Variants in DIAPH2 observed in about 807,000 individuals in gnomAD.
DIAPH2 encodes the protein protein diaphanous homolog 2.
A neutral mutation model predicts 92.7 loss-of-function variants in DIAPH2; 35 were observed. The observed-to-expected ratio is 0.38, with a 90% confidence interval of 0.29 to 0.50. The LOEUF (loss-of-function observed/expected upper bound fraction) is 0.50, where lower values mean the gene tolerates loss of function less well. DIAPH2 is among the 20% of genes least tolerant of loss of function. The probability of loss-of-function intolerance (pLI) is 0.94; values close to 1 mark genes in which losing one functional copy is unlikely to be tolerated. For synonymous variants in DIAPH2, 301 were observed against 280.4 expected (o/e 1.07, Z -0.73); for missense variants, 701 against 819.5 (o/e 0.86, Z 1.77).
At chrX:96,704,139 A>C (rs1170060941) in intron 1 of DIAPH2, among the ~76,000 whole-genome samples, 3 of 111,639 alleles carry the variant, frequency 2.7e-5, no homozygotes, top group East Asian at 2.8e-4. Context: ...ACATTATTTC[A>C]CAAGGTATAG....
At chrX:96,822,579 C>T (rs1039926178) in intron 4 of DIAPH2, among the ~76,000 whole-genome samples, 2 of 111,552 alleles carry the variant, frequency 1.8e-5, no homozygotes, top group African/African-American at 6.5e-5. Context: ...TAAATTGATT[C>T]CCTATATCAT....
chrX:97,244,814 G>A (rs1456461484), intron 22 of DIAPH2, among the ~76,000 whole-genome samples: 1 of 112,084 alleles, frequency 8.9e-6, no homozygotes, highest in African/African-American at 3.2e-5. Context: ...TCTCAGGCCG[G>A]ACATGGTGGC....
chrX:97,341,729 A>G (rs5920907), intron 23 of DIAPH2, among the ~76,000 whole-genome samples: 3,525 of 111,283 alleles, frequency 0.032, 41 homozygotes, highest in Middle Eastern at 0.042. Context: ...AAGAGATGAT[A>G]GACGGCTCAG....
At chrX:97,237,660 C>G (rs1331154916) in intron 22 of DIAPH2, among the ~76,000 whole-genome samples, 1 of 110,388 alleles carries the variant, frequency 9.1e-6, no homozygotes, top group Non-Finnish European at 1.9e-5. Context: ...TGGCTCACTG[C>G]AAGCTCCACC....
At chrX:97,439,858 C>T (rs190572743) in intron 26 of DIAPH2, among the ~76,000 whole-genome samples, 1 of 111,475 alleles carries the variant, frequency 9.0e-6, no homozygotes, top group African/African-American at 3.3e-5. Context: ...GGTGGTAGTA[C>T]ATATGTAATT....
At chrX:96,970,047 T>C (rs2065918059) in intron 17 of DIAPH2, among the ~76,000 whole-genome samples, 1 of 112,441 alleles carries the variant, frequency 8.9e-6, no homozygotes, top group African/African-American at 3.2e-5. Flanking sequence ...TTGATAAACA[T>C]TGAATCCCAG....
chrX:97,578,961 A>C, intron 26 of DIAPH2, among the ~76,000 whole-genome samples: 1 of 74,839 alleles, frequency 1.3e-5, no homozygotes, highest in Non-Finnish European at 2.6e-5. Flanking sequence ...TGGCTGCATA[A>C]ATGTCTTCTT....
intron 21 of DIAPH2, among the ~76,000 whole-genome samples, chrX:97,119,097 C>G (rs1312022877): frequency 9.0e-6 from 1 of 110,545 alleles, no homozygotes; most frequent in Non-Finnish European, 1.9e-5. Context: ...TGCTGGTGAG[C>G]TAGTGTGATT....
intron 19 of DIAPH2, among the ~76,000 whole-genome samples, chrX:97,092,824 A>G (rs963998736): frequency 9.0e-6 from 1 of 111,226 alleles, no homozygotes; most frequent in Non-Finnish European, 1.9e-5. Context: ...ATAGGATGAT[A>G]TCTAATGAAA....
intron 4 of DIAPH2, among the ~76,000 whole-genome samples, chrX:96,844,643 G>A (rs1279373162): frequency 8.9e-6 from 1 of 112,147 alleles, no homozygotes; most frequent in Non-Finnish European, 1.9e-5. Context: ...GTTTTAATCA[G>A]TCCAATTTCC....
intron 26 of DIAPH2, among the ~76,000 whole-genome samples, chrX:97,438,355 GTTT>G (rs2070213770): frequency 2.4e-5 from 1 of 41,840 alleles, no homozygotes; most frequent in East Asian, 8.1e-4. Flanking sequence ...TTTTTTGTTT[GTTT>G]GTTTTTTTTT....
At chrX:97,189,670 TAAG>T (rs1177106303) in intron 22 of DIAPH2, among the ~76,000 whole-genome samples, 1 of 111,720 alleles carries the variant, frequency 9.0e-6, no homozygotes, top group Non-Finnish European at 1.9e-5. Context: ...GGTTAAAAAA[TAAG>T]AAGCAATTTT....
intron 23 of DIAPH2, among the ~76,000 whole-genome samples, chrX:97,264,475 A>G (rs139004568): frequency 0.012 from 1,328 of 112,107 alleles, 26 homozygotes; most frequent in African/African-American, 0.041. Context: ...TCAGGGCACT[A>G]TATTGAAGCA....
rs150028432 is a variant in DIAPH2, at chrX:96,992,099, G to A, written c.2050+26892G>A. Among the ~76,000 whole-genome samples, 1,011 of 110,489 alleles carry A rather than the reference G, an allele frequency of 9.2e-3. 18 individuals carry two copies. Among genetic ancestry groups the A allele is most frequent in the African/African-American group, 0.032 (967 of 30,385 alleles). On this transcript the variant is annotated intron_variant, in intron 17 of 26. Coordinates refer to ENST00000324765, the MANE Select transcript of DIAPH2 (RefSeq NM_006729.5). ...TGACTAAATTTTCATAATCCCTGGG[G>A]TTCACAATTGTTATTTAAAGTTCAT...
intron 17 of DIAPH2, among the ~76,000 whole-genome samples, chrX:97,012,826 G>T (rs1423837351): frequency 8.9e-6 from 1 of 112,376 alleles, no homozygotes; most frequent in Non-Finnish European, 1.9e-5. Flanking sequence ...ATAGTGGGTG[G>T]TTCTTCATCA....
In DIAPH2 at chrX:97,185,453, GTGTATATATATATATATACACATATATA is replaced by G; in HGVS notation, c.2719+43661_2719+43688del. Among the ~76,000 whole-genome samples the G allele has an allele frequency of 1.6e-3, 14 of 8,932 alleles. 2 individuals carry two copies. The highest frequency in any genetic ancestry group is 4.9e-3 in the African/African-American group (12 of 2,444). 7.8% of individuals were successfully genotyped at this position (8,932 alleles called of 115,157 possible). Reference sequence around the variant, plus strand: ...TATATATGTGTATATATATATGTGTGTGTATATATATATATATACACATATATATATATATATATATATATATATATAT... The same window carrying G: ...TATATATGTGTATATATATATGTGTGTATATATATATATATATATATATAT... On this transcript the variant is annotated intron_variant, in intron 22 of 26. Coordinates refer to ENST00000324765, the MANE Select transcript of DIAPH2 (RefSeq NM_006729.5).
chrX:97,257,442 A>C (rs181187620), intron 23 of DIAPH2, among the ~76,000 whole-genome samples: 1 of 111,754 alleles, frequency 8.9e-6, no homozygotes, highest in Admixed American at 9.5e-5. Context: ...TGGTTCTGAG[A>C]GGTAACGGTA....
intron 26 of DIAPH2, among the ~76,000 whole-genome samples, chrX:97,471,561 G>A (rs887802915): frequency 1.8e-5 from 2 of 108,930 alleles, no homozygotes; most frequent in Non-Finnish European, 1.9e-5. Context: ...GCGTGGTGGT[G>A]TGCCTGTAAT....
intron 22 of DIAPH2, among the ~76,000 whole-genome samples, chrX:97,155,030 A>G (rs2067311919): frequency 8.9e-6 from 1 of 112,276 alleles, no homozygotes; most frequent in Non-Finnish European, 1.9e-5. Context: ...AGAAGTGCAC[A>G]TGAAACAATA....
Sources: gnomAD v4.1 joint callset for allele counts (sites outside exome capture counted in the v4.1 genomes callset) on GRCh38, gnomAD v4.1.1 for gene constraint, MANE v1.5 for transcripts, NCBI Gene and HGNC (gene_info 2026-07-23, HGNC 2026-07-21) for gene names.